The following ANKRD65 variants were observed in gnomAD, a reference collection of about 807,000 sequenced individuals.
ANKRD65 encodes ankyrin repeat domain-containing protein 65.
ANKRD65 carries 26 observed loss-of-function variants against 17.2 expected under a neutral mutation model. The ratio of observed to expected loss-of-function variants is 1.51; its 90% confidence interval spans 1.11 to 2.09. ANKRD65 has a LOEUF of 2.09. Ranked by LOEUF, ANKRD65 falls within the 30% of genes most tolerant of loss-of-function variation. The pLI is 0.00. For missense variants in ANKRD65, 621 were observed against 542.2 expected (o/e 1.15, Z -1.44); for synonymous variants, 311 against 272.2 (o/e 1.14, Z -1.40).
Position 1,420,464 on chromosome 1 carries a change from T to C in ANKRD65, c.338A>G (p.Glu113Gly), listed in dbSNP as rs776057452. The change falls in exon 3 of 4, where the codon GAG becomes GGG. Residue 113 changes from glutamate to glycine, a missense_variant. By Grantham distance (98) the Glu-to-Gly change is moderately conservative. Transcript: ENST00000537107. Reference protein sequence around the residue: ...VDRAGRTALHEAAWHGHSRVA... With the variant: ...VDRAGRTALHGAAWHGHSRVA... The stretch of plus-strand genomic sequence containing the variant: ...CCGCGAGTGTCCGTGCCAGGCGGCC[T>C]CGTGCAGCGCGGTGCGCCCCGCCCG... 1.5e-5 allele frequency: 20 copies of C among 1,303,050 alleles called. 2 individuals carry two copies. The South Asian group carries it at 4.3e-4, about 28-fold the overall frequency. The allele number at this position is 1,303,050 out of a possible 1,614,324, so 80.7% of individuals were successfully genotyped here.
rs1645529356 is a variant in ANKRD65, at chr1:1,420,365, C to T, written c.437G>A (p.Trp146Ter). The T allele has an allele frequency of 7.9e-7, 1 of 1,260,554 alleles. No homozygotes were observed. The allele number at this position is 1,260,554 out of a possible 1,614,324, so 78.1% of individuals were successfully genotyped here. A position where few individuals can be genotyped will look rare whatever the true frequency, so the allele number is the denominator to read the frequency against. Residue 146 changes from tryptophan to a stop codon, truncating the protein, a stop_gained, in exon 3 of 4, where the codon TGG becomes TAG. Transcript: ENST00000537107. LOFTEE classifies it high-confidence loss of function. ...CAGCGTGTGGCCCAGGGCAGCGGCC[C>T]AGTGCAGCGGCGTGAGGCCCGTCCC... Reference protein sequence around the residue: ...RSGTGLTPLHWAAALGHTLLA... With the variant: ...RSGTGLTPLH
Position 1,418,989 on chromosome 1 carries a change from C to T in ANKRD65, c.*111G>A. 1.6e-6 allele frequency: 2 copies of T among 1,248,374 alleles called. No individual in the cohort carries two copies. The highest frequency in any genetic ancestry group is 2.2e-6 in the Non-Finnish European group (2 of 918,542). The allele number at this position is 1,248,374 out of a possible 1,614,324, so 77.3% of individuals were successfully genotyped here. On this transcript the variant is annotated 3_prime_UTR_variant, in exon 4 of 4. Transcript: ENST00000537107. ...GCTCAAGCCACATCCCCTACTTTCT[C>T]CCATCCCCTCCTCCGGAAGCCTCTT...
Position 1,420,441 on chromosome 1 carries a change from G to T in ANKRD65, c.361C>A (p.Arg121=). Residue 121 remains arginine (R), a synonymous_variant, in exon 3 of 4, where the codon CGG becomes AGG. Coordinates refer to ENST00000537107, the MANE Select transcript of ANKRD65 (RefSeq NM_001145210.3). The part of the protein sequence containing the change: ...LHEAAWHGHS[R]VAELLLQRGA... ...CGCTGCAGCAGCAGCTCGGCCACCC[G>T]CGAGTGTCCGTGCCAGGCGGCCTCG... 5 of 1,329,460 alleles carry T rather than the reference G, an allele frequency of 3.8e-6. No homozygotes were observed. Among genetic ancestry groups the T allele is most frequent in the Non-Finnish European group, 4.8e-6 (5 of 1,040,984 alleles). 82.4% of individuals were successfully genotyped at this position (1,329,460 alleles called of 1,614,324 possible).
At position 1,420,780 on chromosome 1, in the gene ANKRD65, C is replaced by T. The variant is rs546050629; in HGVS notation, c.209+17G>A. 12 of 1,539,952 alleles carry T rather than the reference C, an allele frequency of 7.8e-6. No individual in the cohort carries two copies. Among genetic ancestry groups the T allele is most frequent in the African/African-American group, 1.4e-5 (1 of 72,978 alleles). On this transcript the variant is annotated intron_variant, in intron 2 of 3. Transcript: ENST00000537107. ...CACCCAGAGAAGGGACCCCTTCACCCCCCAGCGCAGGTGCACCTCTCCTCC... is the reference window on the plus strand; with the variant it reads ...CACCCAGAGAAGGGACCCCTTCACCTCCCAGCGCAGGTGCACCTCTCCTCC...
Position 1,421,115 on chromosome 1 carries a change from G to C in ANKRD65, c.-1+18C>G. ...TTCCAGTTACCACTTAGCCTTCAGA[G>C]GGGCTTGGCTCTGTTACCCAAGGGA... On this transcript the variant is annotated intron_variant, in intron 1 of 3. Transcript: ENST00000537107. 8.7e-7 allele frequency: 1 copy of C among 1,149,978 alleles called. No individual in the cohort carries two copies. The highest frequency in any genetic ancestry group is 1.2e-6 in the Non-Finnish European group (1 of 809,874). The allele number at this position is 1,149,978 out of a possible 1,614,324, so 71.2% of individuals were successfully genotyped here. A position where few individuals can be genotyped will look rare whatever the true frequency, so the allele number is the denominator to read the frequency against.
chr1:1,421,207 C>T lies in ANKRD65; in HGVS notation c.-75G>A, dbSNP rs1297093554. 2 of 587,738 alleles carry T rather than the reference C, an allele frequency of 3.4e-6. No homozygotes were observed. The highest frequency in any genetic ancestry group is 3.0e-6 in the Non-Finnish European group (1 of 331,500). The allele number at this position is 587,738 out of a possible 1,614,324, so 36.4% of individuals were successfully genotyped here. A position where few individuals can be genotyped will look rare whatever the true frequency, so the allele number is the denominator to read the frequency against. Reference sequence around the variant, plus strand: ...AGACGGGTTCTGGCCGAGGCTCAGCCTGGTGACCCTCTTCACAAAATCCCT... The same window carrying T: ...AGACGGGTTCTGGCCGAGGCTCAGCTTGGTGACCCTCTTCACAAAATCCCT... On this transcript the variant is annotated 5_prime_UTR_variant, in exon 1 of 4. Coordinates refer to ENST00000537107, the MANE Select transcript of ANKRD65 (RefSeq NM_001145210.3).
At position 1,418,776 on chromosome 1, in the gene ANKRD65, T is replaced by C. The variant is rs563224009; in HGVS notation, c.*324A>G. ...TAGCGCCAGGCTGCCTGCCTGTCTT[T>C]GGTTTTACTTCCTTGTTGTTTTTTC... On this transcript the variant is annotated 3_prime_UTR_variant, in exon 4 of 4. Transcript: ENST00000537107. 1 of 256,666 alleles carries C rather than the reference T, an allele frequency of 3.9e-6. No individual in the cohort carries two copies. Among genetic ancestry groups the C allele is most frequent in the East Asian group, 6.9e-5 (1 of 14,486 alleles). 15.9% of individuals were successfully genotyped at this position (256,666 alleles called of 1,614,324 possible). A position where few individuals can be genotyped will look rare whatever the true frequency, so the allele number is the denominator to read the frequency against.
At chr1:1,420,651 G>GGCCCCCCCCCCCCCCCCC (rs1645538499) in intron 2 of ANKRD65, 59 bp from the exon 3 acceptor site, 3 of 1,252,868 alleles carry the variant, frequency 2.4e-6, no homozygotes, top group Non-Finnish European at 1.0e-6. Flanking sequence ...ACCCCGCCCT[G>GGCCCCCCCCCCCCCCCCC]CCCCACCCCG....
Position 1,420,189 on chromosome 1 carries a change from C to G in ANKRD65, c.613G>C (p.Gly205Arg). Residue 205 changes from glycine to arginine, a missense_variant, in exon 3 of 4, where the codon GGC becomes CGC. Transcript: ENST00000537107. ...GCAGCGGCAGCCACGAGCAGGGCGC[C>G]GTCCAGGCCCGCGCCGCCGGCCGCC... The part of the protein sequence containing the change: ...LLAAGGAGLD[G>R]ALLVAAAAGR... 2.0e-6 allele frequency: 2 copies of G among 1,013,494 alleles called. No homozygotes were observed. Among genetic ancestry groups the G allele is most frequent in the Non-Finnish European group, 2.4e-6 (2 of 850,246 alleles). 62.8% of individuals were successfully genotyped at this position (1,013,494 alleles called of 1,614,324 possible).
chr1:1,420,086 G>T lies in ANKRD65; in HGVS notation c.716C>A (p.Ala239Glu). The change falls in exon 3 of 4, where the codon GCG becomes GAG. Residue 239 changes from alanine to glutamate, a missense_variant. Transcript: ENST00000537107. ...GCCTAGGGCGGCCGCCAGACCCAGC[G>T]CTGTGGCCCCCGCGCCATCCCGGGC... Reference protein sequence around the residue: ...VDARDGAGATALGLAAALGRS... With the variant: ...VDARDGAGATELGLAAALGRS... The T allele has an allele frequency of 3.9e-6, 5 of 1,290,078 alleles. No individual in the cohort carries two copies. The highest frequency in any genetic ancestry group is 3.9e-5 in the Admixed American group (1 of 25,486). 79.9% of individuals were successfully genotyped at this position (1,290,078 alleles called of 1,614,324 possible). A position where few individuals can be genotyped will look rare whatever the true frequency, so the allele number is the denominator to read the frequency against.
rs1286953976 is a variant in ANKRD65, at chr1:1,420,873, G to C, written c.133C>G (p.Leu45Val). The part of the protein sequence containing the change: ...GPSVVQGWGH[L>V]LQAVWRGPAG... The stretch of plus-strand genomic sequence containing the variant: ...GGGCCCCTCCACACGGCCTGGAGCA[G>C]GTGCCCCCAGCCCTGGACAACACTA... Residue 45 changes from leucine (L) to valine (V), a missense_variant, in exon 2 of 4, where the codon CTG becomes GTG. Coordinates refer to ENST00000537107, the MANE Select transcript of ANKRD65 (RefSeq NM_001145210.3). The C allele has an allele frequency of 9.0e-6, 14 of 1,550,116 alleles. No individual in the cohort carries two copies. The highest frequency in any genetic ancestry group is 1.4e-5 in the African/African-American group (1 of 73,062).
At position 1,421,141 on chromosome 1, in the gene ANKRD65, G is replaced by C. The variant is rs2100429131; in HGVS notation, c.-9C>G. The C allele has an allele frequency of 1.2e-6, 1 of 867,604 alleles. No individual in the cohort carries two copies. The highest frequency in any genetic ancestry group is 2.7e-5 in the East Asian group (1 of 37,516). The allele number at this position is 867,604 out of a possible 1,614,324, so 53.7% of individuals were successfully genotyped here. A position where few individuals can be genotyped will look rare whatever the true frequency, so the allele number is the denominator to read the frequency against. On this transcript the variant is annotated 5_prime_UTR_variant, in exon 1 of 4. Coordinates refer to ENST00000537107, the MANE Select transcript of ANKRD65 (RefSeq NM_001145210.3). Reference sequence around the variant, plus strand: ...GGGCTTGGCTCTGTTACCCAAGGGAGCTGGCTCAGGAGCTTTCTGCTCTGG... The same window carrying C: ...GGGCTTGGCTCTGTTACCCAAGGGACCTGGCTCAGGAGCTTTCTGCTCTGG...
rs902292160 is a variant in ANKRD65, at chr1:1,419,078, A to T, written c.*22T>A. 6.8e-7 allele frequency: 1 copy of T among 1,468,094 alleles called. No individual in the cohort carries two copies. Among genetic ancestry groups the T allele is most frequent in the Admixed American group, 2.4e-5 (1 of 41,612 alleles). 90.9% of individuals were successfully genotyped at this position (1,468,094 alleles called of 1,614,324 possible). A position where few individuals can be genotyped will look rare whatever the true frequency, so the allele number is the denominator to read the frequency against. ...AGCCTGGAAATCACTGGGGCGGTGG[A>T]GCCTGGAGCCTGCTGTCTGGCTCAG... On this transcript the variant is annotated 3_prime_UTR_variant, in exon 4 of 4. Transcript: ENST00000537107.
chr1:1,420,651 G>GC lies in ANKRD65; in HGVS notation c.210-60dup. Reference sequence around the variant, plus strand: ...GGACCACTGACCAGAACCCCGCCCTGCCCCACCCCGTCCTGCCGCCCACCC... The same window carrying GC: ...GGACCACTGACCAGAACCCCGCCCTGCCCCCACCCCGTCCTGCCGCCCACCC... On this transcript the variant is annotated intron_variant, in intron 2 of 3. Coordinates refer to ENST00000537107, the MANE Select transcript of ANKRD65 (RefSeq NM_001145210.3). 6.4e-6 allele frequency: 8 copies of GC among 1,252,802 alleles called. No individual in the cohort carries two copies. In the South Asian group the frequency reaches 8.9e-5, roughly 14 times the overall value. 77.6% of individuals were successfully genotyped at this position (1,252,802 alleles called of 1,614,324 possible). A position where few individuals can be genotyped will look rare whatever the true frequency, so the allele number is the denominator to read the frequency against.
At chr1:1,419,986 GCA>G in intron 3 of ANKRD65, 64 bp downstream of exon 3, 1 of 1,209,732 alleles carries the variant, frequency 8.3e-7, no homozygotes, top group Non-Finnish European at 1.0e-6. Flanking sequence ...TGCCCCGGTG[GCA>G]CGTCTCTGGG....
Position 1,420,443 on chromosome 1 carries a change from G to T in ANKRD65, c.359C>A (p.Ser120Ter). Residue 120 changes from serine (S) to a stop codon, truncating the protein, a stop_gained, in exon 3 of 4, where the codon TCG (serine) becomes TAG (stop). Transcript: ENST00000537107. LOFTEE classifies it high-confidence loss of function. ...CTGCAGCAGCAGCTCGGCCACCCGCGAGTGTCCGTGCCAGGCGGCCTCGTG... is the reference window on the plus strand; with the variant it reads ...CTGCAGCAGCAGCTCGGCCACCCGCTAGTGTCCGTGCCAGGCGGCCTCGTG... ...ALHEAAWHGH[S>*]RVAELLLQRG... 4 of 1,329,704 alleles carry T rather than the reference G, an allele frequency of 3.0e-6. No homozygotes were observed. The highest frequency in any genetic ancestry group is 3.8e-6 in the Non-Finnish European group (4 of 1,041,262). 82.4% of individuals were successfully genotyped at this position (1,329,704 alleles called of 1,614,324 possible).
chr1:1,420,244 C>CGCGGCCGCCCAGTGCGCCGCCGT lies in ANKRD65; in HGVS notation c.535_557dup (p.Gly187ArgfsTer68). The stretch of plus-strand genomic sequence containing the variant: ...GCTCCAGCACCGCCAGCCGCCCGCC[C>CGCGGCCGCCCAGTGCGCCGCCGT]GCGGCCGCCCAGTGCGCCGCCGTCC... On this transcript the variant is annotated frameshift_variant, in exon 3 of 4. Transcript: ENST00000537107. LOFTEE classifies it high-confidence loss of function. 1.0e-6 allele frequency: 1 copy of CGCGGCCGCCCAGTGCGCCGCCGT among 991,250 alleles called. No individual in the cohort carries two copies. The highest frequency in any genetic ancestry group is 1.2e-6 in the Non-Finnish European group (1 of 835,630). The allele number at this position is 991,250 out of a possible 1,614,324, so 61.4% of individuals were successfully genotyped here. A position where few individuals can be genotyped will look rare whatever the true frequency, so the allele number is the denominator to read the frequency against.
Position 1,419,155 on chromosome 1 carries a change from A to C in ANKRD65, c.1145T>G (p.Leu382Arg). The C allele has an allele frequency of 6.5e-7, 1 of 1,539,566 alleles. No homozygotes were observed. Among genetic ancestry groups the C allele is most frequent in the Non-Finnish European group, 8.8e-7 (1 of 1,138,548 alleles). Residue 382 changes from leucine (L) to arginine (R), a missense_variant, in exon 4 of 4, where the codon CTG becomes CGG. By Grantham distance (102) the Leu-to-Arg change is moderately radical. Transcript: ENST00000537107. The stretch of plus-strand genomic sequence containing the variant: ...CTTCTCCCCCCCTCCAAGTTCAGGC[A>C]GCGCCTGGGGCAGGTCCCCCTCAGG... ...QMPEGDLPQA[L>R]PELGGGEKEC... is the part of the protein sequence containing the mutation.
In ANKRD65 at chr1:1,419,478, G is replaced by A. The variant is rs1344282697; in HGVS notation, c.822C>T (p.His274=). Residue 274 remains histidine, a synonymous_variant, in exon 4 of 4, where the codon CAC becomes CAT. Coordinates refer to ENST00000537107, the MANE Select transcript of ANKRD65 (RefSeq NM_001145210.3). ...GCAGGTGTCCTCGGGCGGCAGCCCTGTGCAGCGCAGAGCGGCCATGCCTGT... is the reference window on the plus strand; with the variant it reads ...GCAGGTGTCCTCGGGCGGCAGCCCTATGCAGCGCAGAGCGGCCATGCCTGT... The part of the protein sequence containing the change: ...IRDRHGRSAL[H]RAAARGHLLA... 1.3e-6 allele frequency: 2 copies of A among 1,547,178 alleles called. No individual in the cohort carries two copies. Among genetic ancestry groups the A allele is most frequent in the Admixed American group, 3.9e-5 (2 of 50,974 alleles).
Sources: gnomAD v4.1 joint callset for allele counts on GRCh38, gnomAD v4.1.1 for gene constraint, MANE v1.5 for transcripts, NCBI Gene and HGNC (gene_info 2026-07-23, HGNC 2026-07-21) for gene names.